Variants in PYROXD2 observed in about 807,000 individuals in gnomAD.
The protein encoded by PYROXD2 is pyridine nucleotide-disulphide oxidoreductase domain 2.
A neutral mutation model predicts 71.1 loss-of-function variants in PYROXD2; 69 were observed. The observed-to-expected ratio is 0.97, with a 90% confidence interval of 0.80 to 1.19. The LOEUF (loss-of-function observed/expected upper bound fraction) is 1.19. Ranked by LOEUF, PYROXD2 falls within the 50% of genes most tolerant of loss-of-function variation. The pLI, the probability that PYROXD2 is intolerant of heterozygous loss-of-function variation, is 0.00. For missense variants in PYROXD2, 745 were observed against 748.9 expected (o/e 0.99, Z 0.06); for synonymous variants, 287 against 302.7 (o/e 0.95, Z 0.54).
intron 4 of PYROXD2, among the ~76,000 whole-genome samples, chr10:98,406,757 G>A (rs1239742413): frequency 6.6e-6 from 1 of 151,888 alleles, no homozygotes; most frequent in African/African-American, 2.4e-5. Context: ...GCCTGGCGTG[G>A]TGGTAGCGCC....
At chr10:98,390,538 GC>G in intron 12 of PYROXD2, 59 bp downstream of exon 12, 2 of 1,501,620 alleles carry the variant, frequency 1.3e-6, no homozygotes, top group Non-Finnish European at 8.9e-7. Flanking sequence ...GGCATGGACA[GC>G]CCCGCCTCCC....
intron 10 of PYROXD2, among the ~76,000 whole-genome samples, chr10:98,391,820 G>T (rs972889513): frequency 5.3e-5 from 8 of 152,168 alleles, no homozygotes; most frequent in African/African-American, 1.9e-4. Context: ...ATGGAGCATA[G>T]CCGAGTCCCC....
At chr10:98,385,720 C>A (rs1373813216) in intron 14 of PYROXD2, among the ~76,000 whole-genome samples, 1 of 152,190 alleles carries the variant, frequency 6.6e-6, no homozygotes, top group Admixed American at 6.5e-5. Context: ...TGCTCCTCCC[C>A]ATCCTCCTGC....
intron 14 of PYROXD2, among the ~76,000 whole-genome samples, chr10:98,386,229 C>T (rs546815840): frequency 1.5e-4 from 22 of 144,436 alleles, no homozygotes; most frequent in Non-Finnish European, 2.7e-4. Context: ...TGCAGTGAGC[C>T]GTGATTGCAC....
At chr10:98,402,078 T>C (rs571684414) in intron 4 of PYROXD2, among the ~76,000 whole-genome samples, 1 of 152,316 alleles carries the variant, frequency 6.6e-6, no homozygotes, top group African/African-American at 2.4e-5. Flanking sequence ...ACATGAATAA[T>C]ATGTTGCAGT....
chr10:98,397,946 G>A lies in PYROXD2; in HGVS notation c.472-448C>T, dbSNP rs544000044. Reference sequence around the variant, plus strand: ...GACCCAGGCTGGAGGGCAGTGGTGCGATGTCGGCTCACTGCAACCTCTGCC... The same window carrying A: ...GACCCAGGCTGGAGGGCAGTGGTGCAATGTCGGCTCACTGCAACCTCTGCC... On this transcript the variant is annotated intron_variant, in intron 5 of 15. Transcript: ENST00000370575. Among the ~76,000 whole-genome samples, 35 of 136,494 alleles carry A rather than the reference G, an allele frequency of 2.6e-4. No homozygotes were observed. In the South Asian group the frequency reaches 5.2e-3, roughly 20 times the overall value. 89.5% of individuals were successfully genotyped at this position (136,494 alleles called of 152,430 possible). A position where few individuals can be genotyped will look rare whatever the true frequency, so the allele number is the denominator to read the frequency against.
chr10:98,392,541 C>A lies in PYROXD2; in HGVS notation c.953G>T (p.Ser318Ile). Residue 318 changes from serine (S) to isoleucine (I), a missense_variant, in exon 10 of 16, where the codon AGT (serine) becomes ATT (isoleucine). Ser to Ile is a moderately radical substitution (Grantham distance 142). Transcript: ENST00000370575. ...EKTVAKVQVN[S>I]EGCVQGVVLE... ...CACAACTCCTTGAACACAGCCTTCACTGTTCACCTGCACCTTCGCCACTGT... is the reference window on the plus strand; with the variant it reads ...CACAACTCCTTGAACACAGCCTTCAATGTTCACCTGCACCTTCGCCACTGT... 2 of 1,612,794 alleles carry A rather than the reference C, an allele frequency of 1.2e-6. No individual in the cohort carries two copies. Among genetic ancestry groups the A allele is most frequent in the East Asian group, 2.2e-5 (1 of 44,892 alleles).
Position 98,392,465 on chromosome 10 carries a change from T to C in PYROXD2, c.1029A>G (p.Ser343=). ...TCAGCTTCAGGAAGGTGATCTGCGG[T>C]GATGTGTTGGACAGCACCATTTTGC... The part of the protein sequence containing the change: ...VRSKMVLSNT[S]PQITFLKLTP... The change falls in exon 10 of 16, where the codon TCA becomes TCG. Residue 343 remains serine (S), a synonymous_variant. Transcript: ENST00000370575. 6.2e-7 allele frequency: 1 copy of C among 1,613,932 alleles called. No homozygotes were observed. The highest frequency in any genetic ancestry group is 1.7e-5 in the Admixed American group (1 of 60,012).
At chr10:98,395,598 T>G in intron 6 of PYROXD2, 146 bp from the exon 7 acceptor site, 1 of 694,360 alleles carries the variant, frequency 1.4e-6, no homozygotes, top group East Asian at 2.7e-5. Flanking sequence ...AGATCCAGCT[T>G]GAGTCCTGGC....
chr10:98,388,628 C>T (rs1842842844), intron 12 of PYROXD2, 120 bp from the exon 13 acceptor site: 2 of 1,132,180 alleles, frequency 1.8e-6, no homozygotes, highest in Non-Finnish European at 2.4e-6. Flanking sequence ...GCGATTGTCG[C>T]TCTACAGCCA....
At chr10:98,394,158 G>A (rs73333606) in intron 8 of PYROXD2, among the ~76,000 whole-genome samples, 8,079 of 152,172 alleles carry the variant, frequency 0.053, 243 homozygotes, top group East Asian at 0.12. Context: ...GCTCACTACC[G>A]TATCCCCAGC....
intron 15 of PYROXD2, among the ~76,000 whole-genome samples, chr10:98,384,493 T>C (rs1420367350): frequency 6.6e-6 from 1 of 152,154 alleles, no homozygotes; most frequent in Non-Finnish European, 1.5e-5. Flanking sequence ...GGCACACACC[T>C]GTAGTCCCAC....
rs749209463 is a variant in PYROXD2, at chr10:98,388,438, A to G, written c.1363T>C (p.Ser455Pro). 1.1e-5 allele frequency: 18 copies of G among 1,612,968 alleles called. No individual in the cohort carries two copies. Among genetic ancestry groups the G allele is most frequent in the Non-Finnish European group, 1.5e-5 (18 of 1,179,822 alleles). Residue 455 changes from serine to proline, a missense_variant, in exon 13 of 16, where the codon TCC (serine) becomes CCC (proline). By Grantham distance (74) the Ser-to-Pro change is moderately conservative (BLOSUM62 -1). Coordinates refer to ENST00000370575, the MANE Select transcript of PYROXD2 (RefSeq NM_032709.3). ...TLAPPGCHVV[S>P]LFTQYMPYTL... is the part of the protein sequence containing the mutation. The stretch of plus-strand genomic sequence containing the variant: ...TAGGGCATGTACTGAGTGAAGAGGG[A>G]GACTACATGGCAGCCAGGGGGAGCC...
rs527265794 is a variant in PYROXD2, at chr10:98,391,592, C to G, written c.1063-510G>C. ...GCAAAAACTGCCCCCAAAGCTCACC[C>G]CTCCCTGTTTGCACACCCACTTCCG... On this transcript the variant is annotated intron_variant, in intron 10 of 15. Coordinates refer to ENST00000370575, the MANE Select transcript of PYROXD2 (RefSeq NM_032709.3). 3.3e-4 allele frequency among the ~76,000 whole-genome samples: 51 copies of G among 152,264 alleles called. 1 individual carries two copies. Among genetic ancestry groups the G allele is most frequent in the Non-Finnish European group, 5.3e-4 (36 of 68,020 alleles).
intron 8 of PYROXD2, among the ~76,000 whole-genome samples, chr10:98,394,677 C>G (rs1180829978): frequency 6.6e-6 from 1 of 151,936 alleles, no homozygotes; most frequent in African/African-American, 2.4e-5. Flanking sequence ...GCTGTCAGCA[C>G]AAACCCTCAC....
rs147476095 is a variant in PYROXD2, at chr10:98,406,062, G to A, written c.315+1520C>T. Among the ~76,000 whole-genome samples the A allele has an allele frequency of 1.1e-4, 16 of 152,318 alleles. 1 individual carries two copies. In the East Asian group the frequency reaches 3.1e-3, roughly 29 times the overall value. On this transcript the variant is annotated intron_variant, in intron 4 of 15. Transcript: ENST00000370575. ...TCCTCCTGTCAATGCCCTCCAGGCTGTCAATGTCCTGTTAAAACAAGGTGC... is the reference window on the plus strand; with the variant it reads ...TCCTCCTGTCAATGCCCTCCAGGCTATCAATGTCCTGTTAAAACAAGGTGC...
At position 98,387,184 on chromosome 10, in the gene PYROXD2, C is replaced by T. The variant is rs1842780764; in HGVS notation, c.1554+17G>A. The T allele has an allele frequency of 6.3e-7, 1 of 1,594,346 alleles. No homozygotes were observed. The highest frequency in any genetic ancestry group is 1.7e-4 in the Middle Eastern group (1 of 6,040). ...GAGGGAAGGCTATGGTGAGAGACCC[C>T]CTAGGCTTATACATACCCCTCCAGG... On this transcript the variant is annotated intron_variant, in intron 14 of 15. Transcript: ENST00000370575.
intron 1 of PYROXD2, chr10:98,411,306 G>A (rs1171269006): frequency 3.5e-6 from 1 of 287,568 alleles, no homozygotes; most frequent in African/African-American, 2.2e-5. Context: ...CAGCACGGTT[G>A]AGTTGGCAAG....
chr10:98,385,119 G>C (rs976964987), intron 14 of PYROXD2, 52 bp from the exon 15 acceptor site: 1 of 1,602,306 alleles, frequency 6.2e-7, no homozygotes, highest in East Asian at 2.3e-5. Context: ...AGCCTTTCCT[G>C]CTCTGGCTGG....
Sources: allele counts gnomAD v4.1 joint callset (sites outside exome capture counted in the v4.1 genomes callset), GRCh38; gene constraint gnomAD v4.1.1; transcripts MANE v1.5; gene names NCBI Gene and HGNC (gene_info 2026-07-23, HGNC 2026-07-21).